Variants in DYNC2H1 observed in about 807,000 individuals in gnomAD.
DYNC2H1 encodes cytoplasmic dynein 2 heavy chain 1.
DYNC2H1 carries 410 observed loss-of-function variants against 570.0 expected under a neutral mutation model. The observed-to-expected ratio is 0.72, with a 90% CI of 0.66 to 0.78. The LOEUF is 0.78. DYNC2H1 is among the 30% of genes least tolerant of loss of function. The probability of loss-of-function intolerance (pLI) is 0.00; values close to 1 mark genes in which losing one functional copy is unlikely to be tolerated. For missense variants in DYNC2H1, 4,865 were observed against 5,046.4 expected (o/e 0.96, Z 1.09); for synonymous variants, 1,688 against 1,677.6 (o/e 1.01, Z -0.15).
rs1413597168 is a variant in DYNC2H1 at position 103,395,186 on chromosome 11, T to C, written c.12157-4477T>C. Among the ~76,000 whole-genome samples, 1 of 152,138 alleles carries C rather than the reference T, an allele frequency of 6.6e-6. No homozygotes were observed. Among genetic ancestry groups the C allele is most frequent in the Non-Finnish European group, 1.5e-5 (1 of 68,028 alleles). ...CAGTTATGACATTTTAGATTGCAAG[T>C]AATTGGAAAACTCAGCTCAAACTGA... On this transcript the variant is annotated intron_variant, in intron 83 of 88. Coordinates refer to ENST00000375735, the MANE Select transcript of DYNC2H1 (RefSeq NM_001377.3). This position sits in a 1 kb window ranked among gnomAD's most constrained non-coding sequence, Gnocchi z 4.3.
At chr11:103,417,894 A>G (rs1394362219) in intron 84 of DYNC2H1, among the ~76,000 whole-genome samples, 1 of 151,374 alleles carries the variant, frequency 6.6e-6, no homozygotes, top group African/African-American at 2.4e-5. Context: ...AAAAAAATTG[A>G]TCAATGTTAT....
chr11:103,437,206 G>A (rs1190031665), intron 85 of DYNC2H1, among the ~76,000 whole-genome samples: 2 of 152,000 alleles, frequency 1.3e-5, no homozygotes, highest in Admixed American at 1.3e-4. Context: ...GAAAATTCCT[G>A]TCCTTCTCTC....
chr11:103,395,772 A>AT lies in DYNC2H1; in HGVS notation c.12157-3888dup, dbSNP rs922266531. Among the ~76,000 whole-genome samples the AT allele has an allele frequency of 6.6e-6, 1 of 152,160 alleles. No homozygotes were observed. The highest frequency in any genetic ancestry group is 6.5e-5 in the Admixed American group (1 of 15,274). On this transcript the variant is annotated intron_variant, in intron 83 of 88. Coordinates refer to ENST00000375735, the MANE Select transcript of DYNC2H1 (RefSeq NM_001377.3). This position sits in a 1 kb window ranked among gnomAD's most constrained non-coding sequence, Gnocchi z 4.3. Reference sequence around the variant, plus strand: ...AAGCCCCAATTCAAGTTGCAAATTAATTTGTGGAACTGAGTTGAATCAACT... The same window carrying AT: ...AAGCCCCAATTCAAGTTGCAAATTAATTTTGTGGAACTGAGTTGAATCAACT...
intron 87 of DYNC2H1, among the ~76,000 whole-genome samples, chr11:103,466,331 A>C (rs1055605194): frequency 1.3e-5 from 2 of 152,222 alleles, no homozygotes; most frequent in Admixed American, 1.3e-4. Context: ...GAAAGAGAAG[A>C]CTTTTAGAAA....
chr11:103,298,064 A>G (rs922599752), intron 75 of DYNC2H1, among the ~76,000 whole-genome samples: 2 of 152,106 alleles, frequency 1.3e-5, no homozygotes, highest in African/African-American at 4.8e-5. Flanking sequence ...AGATCATATC[A>G]CTTCTCTGCT....
intron 47 of DYNC2H1, 130 bp from the exon 48 acceptor site, chr11:103,197,803 T>A: frequency 1.0e-6 from 1 of 994,764 alleles, no homozygotes; most frequent in Admixed American, 2.6e-5. Context: ...TTTAAAGTAT[T>A]TTGCCTTTGC....
intron 13 of DYNC2H1, among the ~76,000 whole-genome samples, chr11:103,130,642 A>G (rs1057004273): frequency 1.6e-4 from 3 of 18,408 alleles, no homozygotes; most frequent in African/African-American, 1.0e-3. Context: ...ATGTATGCAT[A>G]TTTTAAAAAA....
rs1316099794 is a variant in DYNC2H1 at position 103,289,582 on chromosome 11, G to C, written c.11095+1977G>C. On this transcript the variant is annotated intron_variant, in intron 75 of 88. Transcript: ENST00000375735. The surrounding 1 kb of genome is among the most constrained non-coding windows in gnomAD (Gnocchi z 4.2). ...TTGAGACCAGCCTGGGCAGCATAGTGAGACCTTGTCTTTAGTAAATATTAA... is the reference window on the plus strand; with the variant it reads ...TTGAGACCAGCCTGGGCAGCATAGTCAGACCTTGTCTTTAGTAAATATTAA... Among the ~76,000 whole-genome samples, 3 of 152,038 alleles carry C rather than the reference G, an allele frequency of 2.0e-5. No homozygotes were observed. Among genetic ancestry groups the C allele is most frequent in the Non-Finnish European group, 4.4e-5 (3 of 68,012 alleles).
At position 103,117,862 on chromosome 11, in the gene DYNC2H1, A is replaced by T; in HGVS notation, c.998A>T (p.Glu333Val). 2 of 1,608,058 alleles carry T rather than the reference A, an allele frequency of 1.2e-6. No homozygotes were observed. Among genetic ancestry groups the T allele is most frequent in the East Asian group, 2.2e-5 (1 of 44,810 alleles). The change falls in exon 6 of 89, where the codon GAG becomes GTG. Residue 333 changes from glutamate to valine, a missense_variant and splice_region_variant. By Grantham distance (121) the Glu-to-Val change is moderately radical (BLOSUM62 -2). Coordinates refer to ENST00000375735, the MANE Select transcript of DYNC2H1 (RefSeq NM_001377.3). ...GACAAACTTGGCAAACGCCTTGAAG[A>T]GGTATCAATTTGATTATCTAGATCT... ...TLDKLGKRLE[E>V]VLAIRTIHEK...
At chr11:103,192,391 C>T (rs137999414) in intron 47 of DYNC2H1, 127 bp downstream of exon 47, 23 of 655,670 alleles carry the variant, frequency 3.5e-5, no homozygotes, top group African/African-American at 1.9e-4. Context: ...ATTATTTTTC[C>T]GTAAGGTACA....
At chr11:103,191,495 T>C (rs758356526) in intron 45 of DYNC2H1, 22 bp from the exon 46 acceptor site, 23 of 1,538,370 alleles carry the variant, frequency 1.5e-5, no homozygotes, top group Non-Finnish European at 2.0e-5. Context: ...AGAAAGATTG[T>C]TTACTGTATT....
At chr11:103,356,659 G>A (rs1229525914) in intron 82 of DYNC2H1, among the ~76,000 whole-genome samples, 2 of 152,116 alleles carry the variant, frequency 1.3e-5, no homozygotes, top group Admixed American at 1.3e-4. Flanking sequence ...GTAGGGTTCA[G>A]CTAGAGCAAA....
chr11:103,141,207 G>A (rs949509885), intron 17 of DYNC2H1, among the ~76,000 whole-genome samples: 8 of 152,142 alleles, frequency 5.3e-5, no homozygotes, highest in East Asian at 1.9e-4. Context: ...CTCTCAACTC[G>A]TCAAAGTCAT....
chr11:103,365,788 G>A (rs1940878302), intron 83 of DYNC2H1, among the ~76,000 whole-genome samples: 1 of 152,178 alleles, frequency 6.6e-6, no homozygotes. Flanking sequence ...TTGGCTTTAT[G>A]TGTTTGAGCT....
intron 87 of DYNC2H1, among the ~76,000 whole-genome samples, chr11:103,459,993 C>T (rs1230974068): frequency 6.8e-6 from 1 of 146,542 alleles, no homozygotes; most frequent in Non-Finnish European, 1.5e-5. Context: ...AGCTGAAGGA[C>T]TTAGAAAAGT....
At chr11:103,392,314 T>C (rs780652909) in intron 83 of DYNC2H1, among the ~76,000 whole-genome samples, 17 of 152,198 alleles carry the variant, frequency 1.1e-4, no homozygotes, top group Non-Finnish European at 2.4e-4. Context: ...CAGGATACAA[T>C]CTCCTGGTGT....
At chr11:103,428,300 C>G (rs867331229) in intron 84 of DYNC2H1, among the ~76,000 whole-genome samples, 1 of 101,404 alleles carries the variant, frequency 9.9e-6, no homozygotes, top group Non-Finnish European at 1.9e-5. Flanking sequence ...TTATTGCCCA[C>G]CTACCATGGT....
rs1293172689 is a variant in DYNC2H1, at chr11:103,395,265, G to GT, written c.12157-4391dup. On this transcript the variant is annotated intron_variant, in intron 83 of 88. Transcript: ENST00000375735. This position sits in a 1 kb window ranked among gnomAD's most constrained non-coding sequence, Gnocchi z 4.3. ...TATATGATTGAAAAGGTGTTAAAAT[G>GT]TTTTTTTCATAGCTTGTTTCAAGAA... is the stretch of plus-strand genomic sequence containing the variant. 2.0e-5 allele frequency among the ~76,000 whole-genome samples: 3 copies of GT among 151,852 alleles called. No homozygotes were observed. In the East Asian group the frequency reaches 5.8e-4, roughly 29 times the overall value.
intron 2 of DYNC2H1, among the ~76,000 whole-genome samples, 182 bp downstream of exon 2, chr11:103,113,889 G>A (rs1858240600): frequency 6.6e-6 from 1 of 152,018 alleles, no homozygotes; most frequent in Non-Finnish European, 1.5e-5. Context: ...AGAGAAATTG[G>A]AGAAAGGTAT....
Sources: gnomAD v4.1 joint callset for allele counts (sites outside exome capture counted in the v4.1 genomes callset) on GRCh38, gnomAD v4.1.1 for gene constraint, Gnocchi (gnomAD v3.1) non-coding constraint, MANE v1.5 for transcripts, NCBI Gene and HGNC (gene_info 2026-07-23, HGNC 2026-07-21) for gene names.